Variants in GUCY1A2 observed in about 807,000 individuals in gnomAD.
GUCY1A2 encodes the protein guanylate cyclase 1 soluble subunit alpha 2, also known as guanylate cyclase soluble subunit alpha-2.
In GUCY1A2, 27 loss-of-function variants were observed where a neutral mutation model predicts 63.5. The observed-to-expected ratio is 0.43, with a 90% CI of 0.31 to 0.59. The LOEUF is 0.59. Ranked by LOEUF, GUCY1A2 falls within the 20% of genes least tolerant of loss-of-function variation. GUCY1A2 has a pLI of 0.11. For synonymous variants in GUCY1A2, 364 were observed against 343.5 expected, an observed-to-expected ratio of 1.06 and a Z score of -0.66; for missense variants, 768 against 913.3, an observed-to-expected ratio of 0.84 and a Z score of 2.05.
intron 4 of GUCY1A2, among the ~76,000 whole-genome samples, chr11:106,813,749 G>A (rs898032418): frequency 6.6e-6 from 1 of 152,114 alleles, no homozygotes; most frequent in African/African-American, 2.4e-5. Context: ...TCAAAGCCTC[G>A]GTTTCCTTAT....
rs1335245318 is a variant in GUCY1A2 at position 106,682,775 on chromosome 11, T to C, written c.*4774A>G. The C allele has an allele frequency of 1.4e-5, 3 of 210,074 alleles. No individual in the cohort carries two copies. In the Admixed American group the frequency reaches 1.8e-4, roughly 12 times the overall value. 13.0% of individuals were successfully genotyped at this position (210,074 alleles called of 1,614,324 possible). ...ATGGGATTAGCTGTGATACTTCCTG[T>C]GTTATAAATGTATCAGTGACCTTTT... On this transcript the variant is annotated 3_prime_UTR_variant, in exon 8 of 8. Transcript: ENST00000526355.
chr11:107,013,785 T>C (rs935782844), intron 1 of GUCY1A2, among the ~76,000 whole-genome samples: 1 of 152,186 alleles, frequency 6.6e-6, no homozygotes. Flanking sequence ...CCAAAGTGAA[T>C]GACAAATAAA....
chr11:107,016,637 C>T (rs1169930468), intron 1 of GUCY1A2, among the ~76,000 whole-genome samples: 2 of 152,076 alleles, frequency 1.3e-5, no homozygotes, highest in Non-Finnish European at 2.9e-5. Context: ...ATAAAGAAGC[C>T]ACCAAAAAAT....
In GUCY1A2 at chr11:106,683,937, C is replaced by A. The variant is rs886329937; in HGVS notation, c.*3612G>T. 5.0e-6 allele frequency: 1 copy of A among 202,014 alleles called. No homozygotes were observed. The highest frequency in any genetic ancestry group is 2.3e-5 in the African/African-American group (1 of 43,528). The allele number at this position is 202,014 out of a possible 1,614,324, so 12.5% of individuals were successfully genotyped here. Reference sequence around the variant, plus strand: ...AGCCTGGTGGGGTTTTCAGAATTCTCCATGGCTTTGCCTTTTGTTATCTAT... The same window carrying A: ...AGCCTGGTGGGGTTTTCAGAATTCTACATGGCTTTGCCTTTTGTTATCTAT... On this transcript the variant is annotated 3_prime_UTR_variant, in exon 8 of 8. Transcript: ENST00000526355.
At chr11:106,766,597 A>G (rs1364965770) in intron 6 of GUCY1A2, among the ~76,000 whole-genome samples, 1 of 151,988 alleles carries the variant, frequency 6.6e-6, no homozygotes, top group Non-Finnish European at 1.5e-5. Flanking sequence ...TAATTTTTAA[A>G]CTTTTATTTG....
At chr11:106,824,126 C>T in intron 4 of GUCY1A2, 1 of 1,506,448 alleles carries the variant, frequency 6.6e-7, no homozygotes, top group South Asian at 1.2e-5. Context: ...ATCTTCTGAA[C>T]AATGAGGCAC....
chr11:106,823,888 G>T, intron 4 of GUCY1A2: 2 of 329,238 alleles, frequency 6.1e-6, no homozygotes, highest in East Asian at 1.1e-4. Flanking sequence ...GTTTGTTCAT[G>T]TCCTTTGCCC....
At chr11:106,739,497 A>T (rs1863652189) in intron 6 of GUCY1A2, among the ~76,000 whole-genome samples, 1 of 152,336 alleles carries the variant, frequency 6.6e-6, no homozygotes, top group African/African-American at 2.4e-5. Flanking sequence ...TCTAATTCTT[A>T]GACTTTACTT....
intron 5 of GUCY1A2, among the ~76,000 whole-genome samples, chr11:106,795,052 C>A (rs1168437999): frequency 6.6e-6 from 1 of 152,132 alleles, no homozygotes; most frequent in Non-Finnish European, 1.5e-5. Context: ...CAATCATTTG[C>A]TGAACAAGTT....
intron 5 of GUCY1A2, among the ~76,000 whole-genome samples, chr11:106,793,354 A>T (rs1864696480): frequency 6.6e-6 from 1 of 152,160 alleles, no homozygotes; most frequent in Non-Finnish European, 1.5e-5. Context: ...TCAACTCAAA[A>T]TGGAATAAAG....
chr11:106,759,634 C>G (rs1864030990), intron 6 of GUCY1A2, among the ~76,000 whole-genome samples: 1 of 152,130 alleles, frequency 6.6e-6, no homozygotes, highest in African/African-American at 2.4e-5. Flanking sequence ...GACTAGTATC[C>G]TTATAAAAAG....
intron 4 of GUCY1A2, chr11:106,936,836 G>A (rs1333576054): frequency 7.3e-6 from 4 of 545,514 alleles, no homozygotes; most frequent in Non-Finnish European, 1.3e-5. Context: ...TTTTAAAATA[G>A]CATTTTCTTA....
chr11:107,011,416 T>C (rs1372313053), intron 1 of GUCY1A2, among the ~76,000 whole-genome samples: 7 of 151,274 alleles, frequency 4.6e-5, no homozygotes, highest in Non-Finnish European at 5.9e-5. Context: ...GGGAAAAATA[T>C]ATAATAGCAC....
At chr11:107,010,726 A>G (rs1434650291) in intron 1 of GUCY1A2, among the ~76,000 whole-genome samples, 2 of 151,944 alleles carry the variant, frequency 1.3e-5, no homozygotes, top group African/African-American at 4.8e-5. Context: ...ACTTCTCCTG[A>G]GCACTTTTTT....
chr11:106,871,617 T>A (rs1859679177), intron 4 of GUCY1A2, among the ~76,000 whole-genome samples: 1 of 152,142 alleles, frequency 6.6e-6, no homozygotes, highest in African/African-American at 2.4e-5. Context: ...AATAATGACC[T>A]CACCTTAAGG....
intron 5 of GUCY1A2, among the ~76,000 whole-genome samples, chr11:106,793,016 A>G (rs1053528688): frequency 6.6e-6 from 1 of 152,194 alleles, no homozygotes; most frequent in Admixed American, 6.5e-5. Flanking sequence ...CAAAATTCAC[A>G]GAAATAGAAA....
chr11:106,745,377 T>A (rs1277365662), intron 6 of GUCY1A2, among the ~76,000 whole-genome samples: 1 of 152,228 alleles, frequency 6.6e-6, no homozygotes, highest in Non-Finnish European at 1.5e-5. Context: ...TCTCCACTTC[T>A]TAAAAAACAG....
intron 1 of GUCY1A2, among the ~76,000 whole-genome samples, chr11:107,003,848 A>G (rs1288306279): frequency 6.6e-6 from 1 of 152,184 alleles, no homozygotes; most frequent in Non-Finnish European, 1.5e-5. Flanking sequence ...CTTATTAGGG[A>G]GTGTTCTTGG....
chr11:106,766,338 T>C (rs1307279031), intron 6 of GUCY1A2, among the ~76,000 whole-genome samples: 3 of 152,154 alleles, frequency 2.0e-5, no homozygotes, highest in African/African-American at 7.2e-5. Context: ...GTACACTGTG[T>C]GTCATGATAT....
Sources: gnomAD v4.1 joint callset for allele counts (sites outside exome capture counted in the v4.1 genomes callset) on GRCh38, gnomAD v4.1.1 for gene constraint, MANE v1.5 for transcripts, NCBI Gene and HGNC (gene_info 2026-07-23, HGNC 2026-07-21) for gene names.